The following SSBP4 variants were observed in gnomAD, a reference collection of about 807,000 sequenced individuals.
SSBP4 encodes the protein single-stranded DNA-binding protein 4.
In SSBP4, 33 loss-of-function variants were observed where a neutral mutation model predicts 64.6. The observed-to-expected ratio is 0.51, with a 90% CI of 0.39 to 0.68. SSBP4 has a LOEUF of 0.68. SSBP4 is among the 30% of genes least tolerant of loss of function. SSBP4 has a pLI of 0.00. For synonymous variants in SSBP4, 243 were observed against 224.0 expected, an observed-to-expected ratio of 1.08 and a Z score of -0.76; for missense variants, 583 against 566.8, an observed-to-expected ratio of 1.03 and a Z score of -0.29.
rs181349341 is a variant in SSBP4, at chr19:18,420,341, G to A, written c.59+634G>A. Reference sequence around the variant, plus strand: ...GATACCACTGAAGAGTGCATACTGAGGGCCCCTTTTGTTCTGGGCGTGGCT... The same window carrying A: ...GATACCACTGAAGAGTGCATACTGAAGGCCCCTTTTGTTCTGGGCGTGGCT... On this transcript the variant is annotated intron_variant, in intron 1 of 17. Coordinates refer to ENST00000270061, the MANE Select transcript of SSBP4 (RefSeq NM_032627.5). Among the ~76,000 whole-genome samples, 338 of 152,194 alleles carry A rather than the reference G, an allele frequency of 2.2e-3. 7 individuals are homozygous for A. The highest frequency in any genetic ancestry group is 0.02 in the Admixed American group (307 of 15,284).
the SSBP4 span, among the ~76,000 whole-genome samples, chr19:18,403,147 A>G: frequency 6.6e-6 from 1 of 152,216 alleles, no homozygotes; most frequent in Non-Finnish European, 1.5e-5. Context: ...GCCTACGTGC[A>G]CATCCAGGCA....
At chr19:18,410,251 C>T in the SSBP4 span, among the ~76,000 whole-genome samples, 1 of 152,158 alleles carries the variant, frequency 6.6e-6, no homozygotes, top group Non-Finnish European at 1.5e-5. Flanking sequence ...CCGCCTCGAC[C>T]TCCCAAAGTG....
the SSBP4 span, among the ~76,000 whole-genome samples, chr19:18,403,515 G>A: frequency 1.3e-5 from 2 of 152,122 alleles, no homozygotes; most frequent in Non-Finnish European, 2.9e-5. Context: ...TGGGGTATGG[G>A]GATCCAGAGG....
upstream of SSBP4, chr19:18,419,025 A>C: frequency 2.0e-6 from 2 of 985,548 alleles, no homozygotes; most frequent in Non-Finnish European, 2.4e-6. Context: ...CTGAGGCTTT[A>C]TGGGGCTATC....
rs755664943 is a variant in SSBP4, at chr19:18,432,037, G to C, written c.603G>C (p.Thr201=). The C allele has an allele frequency of 1.9e-6, 3 of 1,582,654 alleles. No individual in the cohort carries two copies. The South Asian group carries it at 3.4e-5, about 18-fold the overall frequency. The change falls in exon 9 of 18, where the codon ACG becomes ACC. Residue 201 remains threonine (T), a synonymous_variant. Transcript: ENST00000270061. ...TGGGCGGCCCAATGCAGAGGGTGAC[G>C]CCTCCTCGTGGCATGGCCAGCGTGG... ...PSMGGPMQRV[T]PPRGMASVGP...
the SSBP4 span, among the ~76,000 whole-genome samples, chr19:18,411,872 G>A: frequency 0.011 from 1,602 of 152,186 alleles, 10 homozygotes; most frequent in African/African-American, 0.021. Context: ...CCAGTAAGAA[G>A]AGAGACTGAA....
intron 4 of SSBP4, among the ~76,000 whole-genome samples, chr19:18,429,987 G>C (rs1350396494): frequency 1.3e-5 from 2 of 152,194 alleles, no homozygotes; most frequent in Non-Finnish European, 2.9e-5. Context: ...TGTGACTGTA[G>C]GCAGAGTGCT....
intron 17 of SSBP4, 181 bp from the exon 18 acceptor site, chr19:18,434,032 ACCCC>A: frequency 1.1e-6 from 1 of 950,774 alleles, no homozygotes; most frequent in Non-Finnish European, 1.2e-6. Flanking sequence ...ATCCGCCCCC[ACCCC>A]GGGACCCGCG....
the SSBP4 span, among the ~76,000 whole-genome samples, chr19:18,413,382 T>G: frequency 6.6e-6 from 1 of 152,074 alleles, no homozygotes; most frequent in Non-Finnish European, 1.5e-5. Context: ...CTGGCTAATT[T>G]TTTGTAATTT....
At chr19:18,416,178 C>G (rs1334373130), upstream of SSBP4, among the ~76,000 whole-genome samples, 2 of 152,144 alleles carry the variant, frequency 1.3e-5, no homozygotes, top group Non-Finnish European at 2.9e-5. Context: ...CTACACCCAG[C>G]TAATTTTTGT....
At position 18,431,828 on chromosome 19, in the gene SSBP4, C is replaced by T. The variant is rs1189155644; in HGVS notation, c.531C>T (p.Leu177=). ...PAGLPGSQPL[L]PGAMEPSPRA... ...GCCTCCCTGGCTCCCAGCCCCTCCT[C>T]CCTGGCGCCATGGAGCCCTCCCCAC... Residue 177 remains leucine, a synonymous_variant, in exon 8 of 18, where the codon CTC becomes CTT. Transcript: ENST00000270061. 7.6e-6 allele frequency: 12 copies of T among 1,569,664 alleles called. No individual in the cohort carries two copies. Among genetic ancestry groups the T allele is most frequent in the Non-Finnish European group, 9.5e-6 (11 of 1,156,602 alleles).
intron 4 of SSBP4, among the ~76,000 whole-genome samples, chr19:18,429,669 G>T (rs1045070961): frequency 5.3e-5 from 8 of 152,144 alleles, no homozygotes; most frequent in Non-Finnish European, 1.2e-4. Context: ...AGGGGGCGGG[G>T]TGGGGGCCAG....
intron 4 of SSBP4, among the ~76,000 whole-genome samples, chr19:18,429,610 G>A (rs1358807039): frequency 2.6e-5 from 4 of 151,708 alleles, no homozygotes; most frequent in African/African-American, 9.7e-5. Flanking sequence ...GGAGTGGACC[G>A]GAGGGGCCGC....
At chr19:18,413,818 A>C in the SSBP4 span, among the ~76,000 whole-genome samples, 1 of 151,860 alleles carries the variant, frequency 6.6e-6, no homozygotes, top group Non-Finnish European at 1.5e-5. Flanking sequence ...GGAGTTCAAG[A>C]CCAGCCTGGC....
intron 15 of SSBP4, 157 bp downstream of exon 15, chr19:18,433,370 G>A: frequency 7.9e-7 from 1 of 1,271,744 alleles, no homozygotes; most frequent in Non-Finnish European, 1.1e-6. Context: ...CCCCGAGCTG[G>A]AGGGGGATCC....
intron 15 of SSBP4, 73 bp downstream of exon 15, chr19:18,433,286 G>C (rs538422723): frequency 1.3e-6 from 2 of 1,509,026 alleles, no homozygotes; most frequent in African/African-American, 1.4e-5. Flanking sequence ...TCCCCCTGCC[G>C]TCAGCCCGCC....
intron 10 of SSBP4, 137 bp from the exon 11 acceptor site, chr19:18,432,422 G>A (rs751060327): frequency 1.4e-5 from 19 of 1,373,514 alleles, no homozygotes; most frequent in Non-Finnish European, 1.9e-5. Context: ...GCAGCTCATG[G>A]TGGCCACTTT....
At chr19:18,434,093 G>T in intron 17 of SSBP4, 124 bp from the exon 18 acceptor site, 1 of 1,381,144 alleles carries the variant, frequency 7.2e-7, no homozygotes. Flanking sequence ...GTTCCCTCCT[G>T]TCCCCACCCC....
In SSBP4 at chr19:18,427,716, T is replaced by C; in HGVS notation, c.133-36T>C. On this transcript the variant is annotated intron_variant, in intron 2 of 17. Transcript: ENST00000270061. This position sits in a 1 kb window ranked among gnomAD's most constrained non-coding sequence, Gnocchi z 4.4. ...TGCTGGGTGGTGGGGCAGGGTCAGG[T>C]AGGGCCACCCCCTCACCACCTTCCT... 1 of 1,552,768 alleles carries C rather than the reference T, an allele frequency of 6.4e-7. No homozygotes were observed. Among genetic ancestry groups the C allele is most frequent in the Non-Finnish European group, 8.7e-7 (1 of 1,144,428 alleles).
Sources: gnomAD v4.1 joint callset for allele counts (sites outside exome capture counted in the v4.1 genomes callset) on GRCh38, gnomAD v4.1.1 for gene constraint, Gnocchi (gnomAD v3.1) non-coding constraint, MANE v1.5 for transcripts, NCBI Gene and HGNC (gene_info 2026-07-23, HGNC 2026-07-21) for gene names.